Variants in ZNF512 observed in about 807,000 individuals in gnomAD.
ZNF512 encodes the protein zinc finger protein 512.
Under a neutral mutation model 77.5 loss-of-function variants are expected in ZNF512, and 25 were observed. That is an observed-to-expected ratio of 0.32 (90% CI 0.23 to 0.45). The LOEUF (loss-of-function observed/expected upper bound fraction) is 0.45, where lower values mean the gene tolerates loss of function less well. Among genes scored for constraint, ZNF512 ranks in the 20% least tolerant of loss-of-function variants. The pLI is 1.00. For synonymous variants in ZNF512, 246 were observed against 239.9 expected (o/e 1.03, Z -0.24); for missense variants, 483 against 692.6 (o/e 0.70, Z 3.40).
At chr2:27,583,806 G>A in intron 2 of ZNF512, 90 bp downstream of exon 2, 2 of 1,436,382 alleles carry the variant, frequency 1.4e-6, no homozygotes, top group Non-Finnish European at 1.9e-6. Context: ...TTCTGTATCT[G>A]CATTGTCCAG....
chr2:27,601,252 C>T, intron 6 of ZNF512, 104 bp from the exon 7 acceptor site: 1 of 812,776 alleles, frequency 1.2e-6, no homozygotes, highest in South Asian at 2.0e-5. Context: ...GACTATTGAG[C>T]TTGAGAAATA....
intron 2 of ZNF512, among the ~76,000 whole-genome samples, chr2:27,597,535 T>C (rs955895028): frequency 1.3e-5 from 2 of 152,254 alleles, no homozygotes; most frequent in Non-Finnish European, 2.9e-5. Flanking sequence ...TCATGCAAGA[T>C]AGCATCCATC....
chr2:27,607,346 ATG>A (rs1187172818), intron 9 of ZNF512, among the ~76,000 whole-genome samples: 1 of 149,076 alleles, frequency 6.7e-6, no homozygotes, highest in Non-Finnish European at 1.5e-5. Flanking sequence ...TTGTATACGA[ATG>A]TGTCTTTTAA....
chr2:27,616,612 C>T (rs1324816531), intron 12 of ZNF512, among the ~76,000 whole-genome samples: 4 of 152,200 alleles, frequency 2.6e-5, no homozygotes, highest in African/African-American at 7.2e-5. Context: ...AGAGATTCAG[C>T]TCCTTGCATT....
At chr2:27,602,391 T>A in intron 7 of ZNF512, 72 bp from the exon 8 acceptor site, 2 of 1,458,774 alleles carry the variant, frequency 1.4e-6, no homozygotes, top group Non-Finnish European at 1.9e-6. Flanking sequence ...TTGATTCTCC[T>A]CTGATATTTT....
chr2:27,587,607 A>G (rs1671392119), intron 2 of ZNF512, among the ~76,000 whole-genome samples: 1 of 151,408 alleles, frequency 6.6e-6, no homozygotes, highest in African/African-American at 2.4e-5. Context: ...ATCATATATG[A>G]ATAATAATGT....
At chr2:27,610,642 G>A (rs1672617879) in intron 10 of ZNF512, among the ~76,000 whole-genome samples, 2 of 130,574 alleles carry the variant, frequency 1.5e-5, no homozygotes, top group South Asian at 2.6e-4. Context: ...GAGTGCTGGC[G>A]TGATCTCGGT....
At chr2:27,612,037 C>T (rs909327318) in intron 10 of ZNF512, among the ~76,000 whole-genome samples, 1 of 152,060 alleles carries the variant, frequency 6.6e-6, no homozygotes, top group Non-Finnish European at 1.5e-5. Flanking sequence ...CAGTTTCCAT[C>T]GTTTTTTCTA....
rs371827523 is a variant in ZNF512 at position 27,609,741 on chromosome 2, T to C, written c.1131+1702T>C. ...AAAATTAGCTGGACGTGGAGGCGAG[T>C]GCCCGTAATCCCAGCTGCTTGGGAG... is the stretch of plus-strand genomic sequence containing the variant. On this transcript the variant is annotated intron_variant, in intron 10 of 13. Transcript: ENST00000355467. Among the ~76,000 whole-genome samples the C allele has an allele frequency of 5.3e-5, 8 of 151,930 alleles. No homozygotes were observed. In the East Asian group the frequency reaches 7.7e-4, roughly 15 times the overall value.
At chr2:27,610,472 A>G (rs111854948) in intron 10 of ZNF512, among the ~76,000 whole-genome samples, 4 of 136,124 alleles carry the variant, frequency 2.9e-5, no homozygotes, top group African/African-American at 1.1e-4. Flanking sequence ...ATATATGTGT[A>G]TATGTGTATA....
At position 27,621,384 on chromosome 2, in the gene ZNF512, C is replaced by T; in HGVS notation, c.1627C>T (p.Pro543Ser). ...ELVVSASCKEPEQEPVPAQFQ... is the reference protein window; with the variant it reads ...ELVVSASCKESEQEPVPAQFQ... ...GGTAGTGTCAGCCTCCTGTAAGGAA[C>T]CAGAGCAGGAGCCAGTGCCAGCACA... The change falls in exon 14 of 14, where the codon CCA (proline) becomes TCA (serine). Residue 543 changes from proline to serine, a missense_variant. Pro to Ser is a moderately conservative substitution (Grantham distance 74, BLOSUM62 -1). This residue lies in a region of ZNF512 where 324 missense variants were observed against 525.0 expected (regional missense o/e 0.62). Transcript: ENST00000355467. 1 of 1,614,002 alleles carries T rather than the reference C, an allele frequency of 6.2e-7. No individual in the cohort carries two copies. Among genetic ancestry groups the T allele is most frequent in the Non-Finnish European group, 8.5e-7 (1 of 1,180,016 alleles).
intron 6 of ZNF512, 55 bp from the exon 7 acceptor site, chr2:27,601,301 G>C (rs56725354): frequency 0.21 from 281,759 of 1,317,312 alleles, 31,985 homozygotes; most frequent in East Asian, 0.32. Flanking sequence ...CGGACTTCAT[G>C]ACATTCTGTT....
intron 10 of ZNF512, among the ~76,000 whole-genome samples, chr2:27,609,169 T>C (rs976808620): frequency 2.0e-5 from 3 of 151,902 alleles, no homozygotes; most frequent in Non-Finnish European, 4.4e-5. Context: ...CTAACACTTA[T>C]GTCTTTTTTG....
At chr2:27,583,589 G>A in intron 1 of ZNF512, 69 bp from the exon 2 acceptor site, 1 of 1,593,102 alleles carries the variant, frequency 6.3e-7, no homozygotes, top group Non-Finnish European at 8.5e-7. Context: ...TGGGCATAGG[G>A]GAATTCGTCT....
At chr2:27,600,985 A>G (rs1439693528) in intron 6 of ZNF512, among the ~76,000 whole-genome samples, 170 bp downstream of exon 6, 3 of 152,264 alleles carry the variant, frequency 2.0e-5, no homozygotes, top group South Asian at 4.1e-4. Flanking sequence ...TCTTAGCCAC[A>G]TACTAGTGTG....
Position 27,583,641 on chromosome 2 carries a change from T to C in ZNF512, c.31-17T>C. ...CAGAGGTCCCTAGCACTCACTCGTG[T>C]GCTTGTGATTTGCTAGACTTCGGGA... On this transcript the variant is annotated splice_polypyrimidine_tract_variant and intron_variant, in intron 1 of 13. Transcript: ENST00000355467. 1 of 1,614,112 alleles carries C rather than the reference T, an allele frequency of 6.2e-7. No homozygotes were observed. Among genetic ancestry groups the C allele is most frequent in the Non-Finnish European group, 8.5e-7 (1 of 1,179,996 alleles).
At chr2:27,597,588 A>C (rs1272741089) in intron 2 of ZNF512, among the ~76,000 whole-genome samples, 1 of 152,222 alleles carries the variant, frequency 6.6e-6, no homozygotes, top group African/African-American at 2.4e-5. Flanking sequence ...TAAATAAGAT[A>C]GGGCATCAGG....
intron 10 of ZNF512, 93 bp downstream of exon 10, chr2:27,608,132 G>C: frequency 8.6e-7 from 1 of 1,168,830 alleles, no homozygotes; most frequent in Non-Finnish European, 1.2e-6. Context: ...GGAAGTACGT[G>C]ATAGGCAGTA....
At chr2:27,604,201 A>T (rs993172086) in intron 9 of ZNF512, among the ~76,000 whole-genome samples, 1 of 152,208 alleles carries the variant, frequency 6.6e-6, no homozygotes, top group Non-Finnish European at 1.5e-5. Context: ...TGCTGGGATT[A>T]TAGGCGTGAG....
Sources: allele counts gnomAD v4.1 joint callset (sites outside exome capture counted in the v4.1 genomes callset), GRCh38; gene constraint gnomAD v4.1.1; regional missense constraint gnomAD v4.1.1; transcripts MANE v1.5; gene names NCBI Gene and HGNC (gene_info 2026-07-23, HGNC 2026-07-21).